Variants in UBP1 observed in about 807,000 individuals in gnomAD.
The protein encoded by UBP1 is upstream-binding protein 1.
Under a neutral mutation model 76.1 loss-of-function variants are expected in UBP1, and 22 were observed. The ratio of observed to expected loss-of-function variants is 0.29; its 90% CI spans 0.21 to 0.41. The LOEUF is 0.41. Among genes scored for constraint, UBP1 ranks in the 10% least tolerant of loss-of-function variants. The probability of loss-of-function intolerance (pLI) is 1.00; values close to 1 mark genes in which losing one functional copy is unlikely to be tolerated. For missense variants in UBP1, 436 were observed against 668.1 expected (o/e 0.65, Z 3.83); for synonymous variants, 224 against 237.1 (o/e 0.94, Z 0.51).
At chr3:33,435,407 G>C (rs2045189244) in intron 1 of UBP1, among the ~76,000 whole-genome samples, 1 of 152,290 alleles carries the variant, frequency 6.6e-6, no homozygotes, top group African/African-American at 2.4e-5. Context: ...CCCATTGTAA[G>C]TTGAAAATAT....
At chr3:33,392,774 C>T in intron 14 of UBP1, 160 bp from the exon 15 acceptor site, 1 of 636,060 alleles carries the variant, frequency 1.6e-6, no homozygotes, top group Non-Finnish European at 2.7e-6. Flanking sequence ...TGCACACGTG[C>T]TGCACTGCCT....
At chr3:33,436,848 G>A (rs1005968332) in intron 1 of UBP1, among the ~76,000 whole-genome samples, 1 of 152,178 alleles carries the variant, frequency 6.6e-6, no homozygotes, top group Non-Finnish European at 1.5e-5. Context: ...GCCTTCATCT[G>A]TTTAAGCCAA....
At chr3:33,413,996 A>G (rs1169361761) in intron 3 of UBP1, among the ~76,000 whole-genome samples, 1 of 152,242 alleles carries the variant, frequency 6.6e-6, no homozygotes, top group African/African-American at 2.4e-5. Context: ...AGTAAGAACC[A>G]TACTAACTAC....
chr3:33,426,864 C>T (rs1377895678), intron 1 of UBP1, among the ~76,000 whole-genome samples: 1 of 152,192 alleles, frequency 6.6e-6, no homozygotes, highest in African/African-American at 2.4e-5. Context: ...AATTATGAAT[C>T]ATGCTGCTAT....
At chr3:33,420,511 A>C (rs1232479573) in intron 2 of UBP1, among the ~76,000 whole-genome samples, 1 of 123,924 alleles carries the variant, frequency 8.1e-6, no homozygotes, top group Non-Finnish European at 1.6e-5. Context: ...TTTTTTGGAG[A>C]CAGAGTCTCA....
chr3:33,432,677 A>G (rs1470371688), intron 1 of UBP1, among the ~76,000 whole-genome samples: 2 of 152,218 alleles, frequency 1.3e-5, no homozygotes, highest in Non-Finnish European at 2.9e-5. Flanking sequence ...ACCACTACAC[A>G]TCAGAAGTGT....
chr3:33,399,230 T>C (rs1416565096), intron 11 of UBP1, among the ~76,000 whole-genome samples: 2 of 152,190 alleles, frequency 1.3e-5, no homozygotes, highest in African/African-American at 4.8e-5. Flanking sequence ...TGTTACTAGG[T>C]GGTCATGTTG....
chr3:33,396,131 G>A (rs1169739912), intron 13 of UBP1, 31 bp downstream of exon 13: 2 of 1,512,968 alleles, frequency 1.3e-6, no homozygotes, highest in East Asian at 2.3e-5. Flanking sequence ...AGTCTCAGAA[G>A]TGACAGAATT....
At chr3:33,407,397 G>A (rs1476121749) in intron 8 of UBP1, among the ~76,000 whole-genome samples, 1 of 152,152 alleles carries the variant, frequency 6.6e-6, no homozygotes, top group Non-Finnish European at 1.5e-5. Context: ...GGAAAAGTGA[G>A]TTGCCAGAAT....
chr3:33,439,610 GA>G, intron 1 of UBP1, 125 bp downstream of exon 1: 1 of 1,018,354 alleles, frequency 9.8e-7, no homozygotes, highest in Admixed American at 3.0e-5. Flanking sequence ...CACGCGGCAG[GA>G]CTCCGACCCC....
intron 1 of UBP1, among the ~76,000 whole-genome samples, chr3:33,433,969 A>G (rs950716673): frequency 6.6e-5 from 10 of 152,162 alleles, no homozygotes; most frequent in African/African-American, 2.4e-4. Context: ...CCTACAGCTA[A>G]GAAAAAAAAA....
intron 3 of UBP1, among the ~76,000 whole-genome samples, chr3:33,414,460 A>T (rs1225716290): frequency 6.6e-6 from 1 of 152,176 alleles, no homozygotes; most frequent in East Asian, 1.9e-4. Flanking sequence ...CGAAAACAGA[A>T]CAATCAGAGA....
intron 1 of UBP1, among the ~76,000 whole-genome samples, chr3:33,428,181 CAAAAAAA>C (rs59049122): frequency 3.3e-4 from 19 of 57,248 alleles, no homozygotes; most frequent in Admixed American, 6.7e-4. Context: ...GATTCCATCT[CAAAAAAA>C]AAAAAAAAAA....
intron 12 of UBP1, chr3:33,396,617 A>C: frequency 2.5e-6 from 1 of 405,968 alleles, no homozygotes; most frequent in Non-Finnish European, 4.7e-6. Context: ...GAGCAATGAT[A>C]GTAAATGGTT....
intron 2 of UBP1, among the ~76,000 whole-genome samples, chr3:33,420,188 A>G (rs899736563): frequency 4.6e-5 from 7 of 152,230 alleles, no homozygotes; most frequent in African/African-American, 1.4e-4. Context: ...CTTTAGTAAC[A>G]TGAACTGAAA....
At chr3:33,412,124 T>A (rs755730249) in intron 4 of UBP1, among the ~76,000 whole-genome samples, 1 of 149,464 alleles carries the variant, frequency 6.7e-6, no homozygotes, top group Non-Finnish European at 1.5e-5. Flanking sequence ...GAGGCGGAGG[T>A]TGCAGTGAGC....
chr3:33,392,756 A>G, intron 14 of UBP1, 142 bp from the exon 15 acceptor site: 1 of 722,258 alleles, frequency 1.4e-6, no homozygotes, highest in South Asian at 1.9e-5. Flanking sequence ...AGTGTGAGGC[A>G]GCAAAGATGC....
intron 9 of UBP1, 39 bp from the exon 10 acceptor site, chr3:33,401,055 T>G (rs760613408): frequency 1.3e-6 from 2 of 1,553,108 alleles, no homozygotes; most frequent in Non-Finnish European, 1.7e-6. Context: ...ATGATTTTTA[T>G]AATACATATA....
rs754108545 is a variant in UBP1, at chr3:33,416,930, C to G, written c.266-96G>C. ...TGCATGTTTCTCAGAACATACATTA[C>G]ACAATGATAGTTTGTTAATTTGCTA... On this transcript the variant is annotated intron_variant, in intron 2 of 15. Coordinates refer to ENST00000283629, the MANE Select transcript of UBP1 (RefSeq NM_014517.5). 246 of 1,038,518 alleles carry G rather than the reference C, an allele frequency of 2.4e-4. 1 individual carries two copies. Among genetic ancestry groups the G allele is most frequent in the Non-Finnish European group, 3.2e-4 (222 of 689,298 alleles). The allele number at this position is 1,038,518 out of a possible 1,614,324, so 64.3% of individuals were successfully genotyped here.
Sources: allele counts gnomAD v4.1 joint callset (sites outside exome capture counted in the v4.1 genomes callset), GRCh38; gene constraint gnomAD v4.1.1; transcripts MANE v1.5; gene names NCBI Gene and HGNC (gene_info 2026-07-23, HGNC 2026-07-21).